The following UBE4B variants were observed in gnomAD, a reference collection of about 807,000 sequenced individuals.
The protein encoded by UBE4B is ubiquitin conjugation factor E4 B.
UBE4B carries 27 observed loss-of-function variants against 148.1 expected under a neutral mutation model. The observed-to-expected ratio is 0.18, with a 90% confidence interval of 0.13 to 0.25. The LOEUF (loss-of-function observed/expected upper bound fraction) is 0.25. Ranked by LOEUF, UBE4B falls within the 10% of genes least tolerant of loss-of-function variation. The pLI is 1.00. For synonymous variants in UBE4B, 596 were observed against 619.3 expected (o/e 0.96, Z 0.56); for missense variants, 1,170 against 1,662.4 (o/e 0.70, Z 5.15).
intron 21 of UBE4B, among the ~76,000 whole-genome samples, chr1:10,154,827 A>G (rs1355231811): frequency 6.6e-6 from 1 of 151,604 alleles, no homozygotes; most frequent in East Asian, 1.9e-4. Flanking sequence ...GGGCTACAAG[A>G]GCAAATCTCC....
chr1:10,060,966 G>C (rs1248239643), intron 1 of UBE4B, among the ~76,000 whole-genome samples: 2 of 152,028 alleles, frequency 1.3e-5, no homozygotes, highest in Non-Finnish European at 2.9e-5. Context: ...GGCCGGTCTT[G>C]AGCTCCTGGC....
rs771211939 is a variant in UBE4B, at chr1:10,179,408, C to A, written c.3701-8C>A. Reference sequence around the variant, plus strand: ...TAGATTAGAGTTTGCTTTGCTTTGTCCCCGCAGACCCTCTGATGGACACCC... The same window carrying A: ...TAGATTAGAGTTTGCTTTGCTTTGTACCCGCAGACCCTCTGATGGACACCC... On this transcript the variant is annotated splice_polypyrimidine_tract_variant and splice_region_variant and intron_variant, in intron 26 of 27. Coordinates refer to ENST00000343090, the MANE Select transcript of UBE4B (RefSeq NM_001105562.3). 20 of 1,612,812 alleles carry A rather than the reference C, an allele frequency of 1.2e-5. No homozygotes were observed. Among genetic ancestry groups the A allele is most frequent in the Non-Finnish European group, 1.7e-5 (20 of 1,179,450 alleles).
intron 1 of UBE4B, among the ~76,000 whole-genome samples, chr1:10,036,922 A>T (rs1165456998): frequency 6.6e-6 from 1 of 152,208 alleles, no homozygotes; most frequent in African/African-American, 2.4e-5. Context: ...ATGTATGATT[A>T]TACAGTCCGT....
chr1:10,100,082 C>T (rs908863497), intron 3 of UBE4B, among the ~76,000 whole-genome samples: 1 of 151,950 alleles, frequency 6.6e-6, no homozygotes, highest in Admixed American at 6.6e-5. Context: ...CTCTGCCTCC[C>T]GGGTTCAGGC....
intron 21 of UBE4B, among the ~76,000 whole-genome samples, chr1:10,153,561 T>C (rs186553338): frequency 1.7e-3 from 252 of 149,906 alleles, no homozygotes; most frequent in African/African-American, 5.8e-3. Context: ...TAGCTTACAC[T>C]TGTAATCCCA....
intron 1 of UBE4B, among the ~76,000 whole-genome samples, chr1:10,057,066 C>G (rs755560488): frequency 6.6e-6 from 1 of 152,108 alleles, no homozygotes; most frequent in Middle Eastern, 3.4e-3. Context: ...CCCGCCTCAG[C>G]CTTCCAAAAT....
chr1:10,103,136 G>GA, intron 5 of UBE4B, 44 bp downstream of exon 5: 1 of 1,526,986 alleles, frequency 6.5e-7, no homozygotes, highest in Non-Finnish European at 8.8e-7. Context: ...TACTCGACAA[G>GA]AAAATAAGAT....
rs1200883370 is a variant in UBE4B at position 10,134,977 on chromosome 1, A to C, written c.2026-11A>C. 6.2e-7 allele frequency: 1 copy of C among 1,609,130 alleles called. No homozygotes were observed. Among genetic ancestry groups the C allele is most frequent in the African/African-American group, 1.3e-5 (1 of 74,564 alleles). On this transcript the variant is annotated splice_polypyrimidine_tract_variant and intron_variant, in intron 15 of 27. Coordinates refer to ENST00000343090, the MANE Select transcript of UBE4B (RefSeq NM_001105562.3). ...ATGTTTAAAAATACTTTTTCTTTTC[A>C]ACTTTCACAGACAGATGATAGATTG...
chr1:10,068,159 C>A (rs550403908), intron 1 of UBE4B, among the ~76,000 whole-genome samples: 1 of 150,150 alleles, frequency 6.7e-6, no homozygotes, highest in South Asian at 2.1e-4. Flanking sequence ...CTCCCAAGTA[C>A]CTGGGATTAC....
chr1:10,095,313 C>A, intron 2 of UBE4B, 148 bp from the exon 3 acceptor site: 1 of 921,470 alleles, frequency 1.1e-6, no homozygotes, highest in South Asian at 1.8e-5. Context: ...TTGTTTCCAG[C>A]TTTTTATATA....
chr1:10,161,355 T>C lies in UBE4B; in HGVS notation c.3198+69T>C. 2 of 1,554,928 alleles carry C rather than the reference T, an allele frequency of 1.3e-6. No individual in the cohort carries two copies. The highest frequency in any genetic ancestry group is 1.7e-6 in the Non-Finnish European group (2 of 1,145,746). ...TGCCTCCACACACGGGCAGAGCTGC[T>C]TTGGGGCTGCATTTGTGGGTCTGAT... On this transcript the variant is annotated intron_variant, in intron 23 of 27. Transcript: ENST00000343090. The surrounding 1 kb of genome is among the most constrained non-coding windows in gnomAD (Gnocchi z 4.1).
At chr1:10,172,790 A>G (rs1646357160) in intron 25 of UBE4B, among the ~76,000 whole-genome samples, 1 of 152,228 alleles carries the variant, frequency 6.6e-6, no homozygotes, top group Non-Finnish European at 1.5e-5. Context: ...AAGGATTTGC[A>G]GTGAAAAAAT....
chr1:10,116,157 T>C (rs1490653370), intron 7 of UBE4B, among the ~76,000 whole-genome samples: 1 of 152,150 alleles, frequency 6.6e-6, no homozygotes, highest in Non-Finnish European at 1.5e-5. Flanking sequence ...TTTTCTTTTA[T>C]TTTAGGACAG....
At chr1:10,127,824 A>C (rs893617152) in intron 11 of UBE4B, among the ~76,000 whole-genome samples, 1 of 152,226 alleles carries the variant, frequency 6.6e-6, no homozygotes, top group Admixed American at 6.5e-5. Flanking sequence ...TAAGAGCTAC[A>C]GCGCAACAGT....
At chr1:10,162,247 C>T (rs1263695925) in intron 23 of UBE4B, among the ~76,000 whole-genome samples, 1 of 152,178 alleles carries the variant, frequency 6.6e-6, no homozygotes, top group Non-Finnish European at 1.5e-5. Context: ...GATCTCAGCT[C>T]ACTGCAATCT....
chr1:10,101,042 G>A, intron 3 of UBE4B, 66 bp from the exon 4 acceptor site: 1 of 1,370,156 alleles, frequency 7.3e-7, no homozygotes, highest in South Asian at 1.2e-5. Context: ...TTCTCACCCA[G>A]CAGCTACAGT....
At chr1:10,098,935 C>A (rs1384982645) in intron 3 of UBE4B, among the ~76,000 whole-genome samples, 2 of 152,024 alleles carry the variant, frequency 1.3e-5, no homozygotes, top group African/African-American at 4.8e-5. Flanking sequence ...TAATAATTTG[C>A]AGATAAATTA....
At chr1:10,110,671 G>A (rs1293108842) in intron 7 of UBE4B, among the ~76,000 whole-genome samples, 3 of 152,084 alleles carry the variant, frequency 2.0e-5, no homozygotes, top group Non-Finnish European at 2.9e-5. Context: ...TTTTGTGTTT[G>A]TTTTTTAACT....
intron 8 of UBE4B, 135 bp downstream of exon 8, chr1:10,117,735 C>A: frequency 9.0e-7 from 1 of 1,107,358 alleles, no homozygotes; most frequent in Non-Finnish European, 1.2e-6. Flanking sequence ...AGGCACAATA[C>A]TAGGAACTTA....
Sources: gnomAD v4.1 joint callset for allele counts (sites outside exome capture counted in the v4.1 genomes callset) on GRCh38, gnomAD v4.1.1 for gene constraint, Gnocchi (gnomAD v3.1) non-coding constraint, MANE v1.5 for transcripts, NCBI Gene and HGNC (gene_info 2026-07-23, HGNC 2026-07-21) for gene names.